SH3KBP1: variants seen among roughly 807,000 people sequenced by gnomAD.
SH3KBP1 encodes SH3 domain-containing kinase-binding protein 1.
Under a neutral mutation model 50.1 loss-of-function variants are expected in SH3KBP1, and 8 were observed. The ratio of observed to expected loss-of-function variants is 0.16; its 90% CI spans 0.09 to 0.29. The LOEUF (loss-of-function observed/expected upper bound fraction) is 0.29, where lower values mean the gene tolerates loss of function less well. SH3KBP1 is among the 10% of genes least tolerant of loss of function. The pLI is 1.00. For missense variants in SH3KBP1, 377 were observed against 535.2 expected (o/e 0.70, Z 2.92); for synonymous variants, 227 against 218.6 (o/e 1.04, Z -0.34).
chrX:19,660,206 T>G (rs2062413440), intron 6 of SH3KBP1, among the ~76,000 whole-genome samples: 1 of 112,580 alleles, frequency 8.9e-6, no homozygotes, highest in African/African-American at 3.2e-5. Context: ...TTTTCACTTC[T>G]GAAATGGACA....
chrX:19,611,430 T>TGCAAC (rs753348706), intron 8 of SH3KBP1, among the ~76,000 whole-genome samples: 63 of 111,919 alleles, frequency 5.6e-4, no homozygotes, highest in African/African-American at 2.0e-3. Flanking sequence ...CTCGGCTCAC[T>TGCAAC]GCAACCTCCG....
At chrX:19,767,528 G>A (rs1001188323) in intron 2 of SH3KBP1, among the ~76,000 whole-genome samples, 7 of 111,187 alleles carry the variant, frequency 6.3e-5, no homozygotes, top group African/African-American at 2.3e-4. Context: ...TTTTAAAGAA[G>A]CAGCTCGTAT....
chrX:19,802,521 C>T (rs2066923097), intron 2 of SH3KBP1, among the ~76,000 whole-genome samples: 1 of 111,085 alleles, frequency 9.0e-6, no homozygotes, highest in African/African-American at 3.3e-5. Context: ...CCAATTACCC[C>T]AAAAGTCCAA....
chrX:19,537,625 T>C, intron 17 of SH3KBP1, 92 bp downstream of exon 17: 2 of 722,515 alleles, frequency 2.8e-6, no homozygotes, highest in South Asian at 4.5e-5. Flanking sequence ...TGCAGAGAGG[T>C]GACAATCATT....
At chrX:19,733,427 A>T (rs73631368) in intron 3 of SH3KBP1, among the ~76,000 whole-genome samples, 2,152 of 110,404 alleles carry the variant, frequency 0.019, 52 homozygotes, top group African/African-American at 0.064. Context: ...TAATAATATT[A>T]TATGATAAAT....
chrX:19,794,230 C>CAAAAAAA (rs1218495525), intron 2 of SH3KBP1, among the ~76,000 whole-genome samples: 1 of 27,320 alleles, frequency 3.7e-5, no homozygotes, highest in African/African-American at 9.6e-5. Flanking sequence ...CCTGTCTCTA[C>CAAAAAAA]AAAAAAAAAA....
intron 2 of SH3KBP1, among the ~76,000 whole-genome samples, chrX:19,791,536 G>GA (rs11410602): frequency 0.26 from 19,566 of 76,664 alleles, 2,556 homozygotes; most frequent in African/African-American, 0.48. Context: ...CCTAGAGAAT[G>GA]AAAAAAAAAA....
At chrX:19,711,754 T>C (rs2063782235) in intron 3 of SH3KBP1, among the ~76,000 whole-genome samples, 1 of 111,470 alleles carries the variant, frequency 9.0e-6, no homozygotes, top group South Asian at 3.7e-4. Context: ...TCTGAAATCA[T>C]ATTGCAAGGT....
At chrX:19,887,050 G>C (rs1027447316) in intron 1 of SH3KBP1, among the ~76,000 whole-genome samples, 4 of 111,600 alleles carry the variant, frequency 3.6e-5, no homozygotes, top group Non-Finnish European at 7.6e-5. Flanking sequence ...CCCTCAGCCC[G>C]AGCCGCCCGG....
chrX:19,782,730 C>T (rs1376700667), intron 2 of SH3KBP1, among the ~76,000 whole-genome samples: 1 of 111,946 alleles, frequency 8.9e-6, no homozygotes, highest in Non-Finnish European at 1.9e-5. Context: ...TCAGACAGAC[C>T]TCAGCTCTCT....
At chrX:19,819,639 T>C (rs1290689610) in intron 2 of SH3KBP1, among the ~76,000 whole-genome samples, 1 of 111,953 alleles carries the variant, frequency 8.9e-6, no homozygotes, top group Non-Finnish European at 1.9e-5. Flanking sequence ...CATGAGCCAC[T>C]GTACCCAGCC....
intron 1 of SH3KBP1, among the ~76,000 whole-genome samples, chrX:19,878,782 A>C (rs2069342896): frequency 9.0e-6 from 1 of 111,598 alleles, no homozygotes; most frequent in African/African-American, 3.3e-5. Flanking sequence ...TGATGGTTGC[A>C]AAGCATTGTG....
chrX:19,542,309 C>T (rs918143430), intron 15 of SH3KBP1, 116 bp from the exon 16 acceptor site: 15 of 751,754 alleles, frequency 2.0e-5, no homozygotes, highest in African/African-American at 1.9e-4. Context: ...CCACACACTC[C>T]ATTCACTTGT....
At chrX:19,838,731 A>G (rs1386729294) in intron 1 of SH3KBP1, among the ~76,000 whole-genome samples, 2 of 110,088 alleles carry the variant, frequency 1.8e-5, no homozygotes, top group Non-Finnish European at 3.8e-5. Context: ...TACTAAAAAT[A>G]CAAAAATTAG....
At chrX:19,549,752 C>G (rs1228280277) in intron 14 of SH3KBP1, among the ~76,000 whole-genome samples, 1 of 112,058 alleles carries the variant, frequency 8.9e-6, no homozygotes, top group Non-Finnish European at 1.9e-5. Context: ...ATACAGAGCA[C>G]CTACCTTGCT....
intron 13 of SH3KBP1, among the ~76,000 whole-genome samples, chrX:19,556,435 G>A (rs1408522930): frequency 1.8e-5 from 2 of 111,009 alleles, no homozygotes; most frequent in Admixed American, 1.9e-4. Context: ...TGACTAGTGT[G>A]GAAAATCTGT....
At chrX:19,778,205 G>A (rs1388342157) in intron 2 of SH3KBP1, among the ~76,000 whole-genome samples, 1 of 110,958 alleles carries the variant, frequency 9.0e-6, no homozygotes, top group African/African-American at 3.3e-5. Flanking sequence ...GGCCAAGGCG[G>A]GTGGATCACG....
In SH3KBP1 at chrX:19,601,853, T is replaced by A. The variant is rs149504766; in HGVS notation, c.1005+6085A>T. ...TGTACCCTATAGAGTCCCCAGCAACTGCCTGCCCTGTCACCCGCACTGGAG... is the reference window on the plus strand; with the variant it reads ...TGTACCCTATAGAGTCCCCAGCAACAGCCTGCCCTGTCACCCGCACTGGAG... On this transcript the variant is annotated intron_variant, in intron 9 of 17. Coordinates refer to ENST00000397821, the MANE Select transcript of SH3KBP1 (RefSeq NM_031892.3). Among the ~76,000 whole-genome samples, 829 of 111,222 alleles carry A rather than the reference T, an allele frequency of 7.5e-3. 11 individuals carry two copies. The highest frequency in any genetic ancestry group is 0.026 in the African/African-American group (796 of 30,605).
At chrX:19,683,646 T>G (rs948564449) in intron 6 of SH3KBP1, among the ~76,000 whole-genome samples, 177 bp downstream of exon 6, 1 of 111,240 alleles carries the variant, frequency 9.0e-6, no homozygotes, top group Non-Finnish European at 1.9e-5. Context: ...ATGAGCCTTT[T>G]GAGGGAAGTC....
Sources: gnomAD v4.1 joint callset for allele counts (sites outside exome capture counted in the v4.1 genomes callset) on GRCh38, gnomAD v4.1.1 for gene constraint, MANE v1.5 for transcripts, NCBI Gene and HGNC (gene_info 2026-07-23, HGNC 2026-07-21) for gene names.